LRRTM4: variants seen among roughly 807,000 people sequenced by gnomAD.
The protein encoded by LRRTM4 is leucine rich repeat transmembrane neuronal 4.
LRRTM4 carries 25 observed loss-of-function variants against 47.6 expected under a neutral mutation model. The ratio of observed to expected loss-of-function variants is 0.53; its 90% CI spans 0.38 to 0.73. The LOEUF (loss-of-function observed/expected upper bound fraction) is 0.73, where lower values mean the gene tolerates loss of function less well. LRRTM4 is among the 30% of genes least tolerant of loss of function. The pLI is 0.00. For missense variants in LRRTM4, 638 were observed against 713.4 expected (o/e 0.89, Z 1.20); for synonymous variants, 311 against 269.5 (o/e 1.15, Z -1.51).
intron 3 of LRRTM4, among the ~76,000 whole-genome samples, chr2:77,121,117 G>GT (rs1371125079): frequency 6.6e-6 from 1 of 151,750 alleles, no homozygotes; most frequent in Non-Finnish European, 1.5e-5. Flanking sequence ...AAAAGAATTA[G>GT]TTTTTTGGGG....
At chr2:77,435,258 T>C (rs1573410431) in intron 3 of LRRTM4, among the ~76,000 whole-genome samples, 1 of 152,172 alleles carries the variant, frequency 6.6e-6, no homozygotes, top group East Asian at 1.9e-4. Flanking sequence ...CTGAGTCCAG[T>C]TTTGAGATTT....
chr2:77,040,253 C>T (rs1446692), intron 3 of LRRTM4, among the ~76,000 whole-genome samples: 80,846 of 150,896 alleles, frequency 0.54, 24,217 homozygotes, highest in African/African-American at 0.81. Flanking sequence ...TTATGTTCTA[C>T]AACATATATA....
At chr2:77,362,129 G>GAAAGAAAGAAAGAA (rs1558707255) in intron 3 of LRRTM4, among the ~76,000 whole-genome samples, 1 of 127,582 alleles carries the variant, frequency 7.8e-6, no homozygotes, top group African/African-American at 2.7e-5. Context: ...AAGAAAGAAA[G>GAAAGAAAGAAAGAA]AAAGAAAGAA....
intron 3 of LRRTM4, among the ~76,000 whole-genome samples, chr2:76,981,830 G>A (rs763119008): frequency 1.3e-5 from 2 of 151,850 alleles, no homozygotes; most frequent in Non-Finnish European, 2.9e-5. Flanking sequence ...AATAGTCTAG[G>A]CTTCTATGTA....
chr2:76,974,757 G>C (rs1387332207), intron 3 of LRRTM4, among the ~76,000 whole-genome samples: 2 of 151,506 alleles, frequency 1.3e-5, no homozygotes, highest in Non-Finnish European at 3.0e-5. Flanking sequence ...AATTTTCCAA[G>C]AATATTTCTG....
At chr2:76,810,416 A>C (rs564161046) in intron 3 of LRRTM4, among the ~76,000 whole-genome samples, 4 of 152,170 alleles carry the variant, frequency 2.6e-5, no homozygotes, top group African/African-American at 4.8e-5. Context: ...GTTTTCTTAT[A>C]ATCTTATCAC....
intron 3 of LRRTM4, among the ~76,000 whole-genome samples, chr2:77,195,825 G>T (rs1673807210): frequency 6.6e-6 from 1 of 152,056 alleles, no homozygotes; most frequent in African/African-American, 2.4e-5. Context: ...AGAGGATAGG[G>T]GGTGCTATTA....
rs1336101809 is a variant in LRRTM4, at chr2:77,049,157, TAC to T, written c.1552-300243_1552-300242del. 4.3e-4 allele frequency among the ~76,000 whole-genome samples: 46 copies of T among 106,336 alleles called. 1 individual carries two copies. Among genetic ancestry groups the T allele is most frequent in the African/African-American group, 1.4e-3 (28 of 19,810 alleles). 69.8% of individuals were successfully genotyped at this position (106,336 alleles called of 152,430 possible). ...ATATATATATATATATATATATATA[TAC>T]ACACACACACACACCACATTTTCTT... On this transcript the variant is annotated intron_variant, in intron 3 of 3. Coordinates refer to ENST00000409884, the MANE Select transcript of LRRTM4 (RefSeq NM_001134745.3).
At chr2:77,336,934 T>C (rs533979186) in intron 3 of LRRTM4, among the ~76,000 whole-genome samples, 1 of 152,282 alleles carries the variant, frequency 6.6e-6, no homozygotes, top group South Asian at 2.1e-4. Context: ...ATTATGTGTC[T>C]CTTTTCAGAT....
chr2:77,329,597 CTT>C (rs1413109547), intron 3 of LRRTM4, among the ~76,000 whole-genome samples: 1 of 152,092 alleles, frequency 6.6e-6, no homozygotes, highest in African/African-American at 2.4e-5. Flanking sequence ...TGCACAGAGA[CTT>C]TAAGAAAGTA....
At chr2:77,303,904 G>A (rs1677204911) in intron 3 of LRRTM4, among the ~76,000 whole-genome samples, 1 of 152,088 alleles carries the variant, frequency 6.6e-6, no homozygotes, top group Non-Finnish European at 1.5e-5. Context: ...TGTGACTAGT[G>A]CTTCAGTGAA....
intron 3 of LRRTM4, among the ~76,000 whole-genome samples, chr2:77,180,208 C>T (rs185385470): frequency 5.3e-5 from 8 of 152,224 alleles, no homozygotes; most frequent in Non-Finnish European, 7.4e-5. Flanking sequence ...GGAATTACAA[C>T]TTTGACAGCA....
chr2:76,759,873 A>C (rs1673189229), intron 3 of LRRTM4, among the ~76,000 whole-genome samples: 2 of 152,166 alleles, frequency 1.3e-5, no homozygotes, highest in South Asian at 4.2e-4. Context: ...CACATATGTA[A>C]ACCATTTCCT....
intron 3 of LRRTM4, among the ~76,000 whole-genome samples, chr2:76,880,233 G>A (rs560446308): frequency 6.6e-6 from 1 of 152,264 alleles, no homozygotes; most frequent in South Asian, 2.1e-4. Context: ...GATCTTTAGT[G>A]AAAGGAAGAA....
intron 3 of LRRTM4, among the ~76,000 whole-genome samples, chr2:77,129,319 T>C (rs572590372): frequency 6.6e-6 from 1 of 152,160 alleles, no homozygotes; most frequent in African/African-American, 2.4e-5. Context: ...ATGTTAAATA[T>C]TACAATTCAA....
chr2:77,071,874 G>A (rs746237870), intron 3 of LRRTM4, among the ~76,000 whole-genome samples: 42 of 152,266 alleles, frequency 2.8e-4, no homozygotes, highest in Non-Finnish European at 3.2e-4. Flanking sequence ...GGACACTAGT[G>A]TCCAAGCTTC....
At chr2:77,130,203 T>G (rs1346831401) in intron 3 of LRRTM4, among the ~76,000 whole-genome samples, 1 of 152,160 alleles carries the variant, frequency 6.6e-6, no homozygotes, top group Non-Finnish European at 1.5e-5. Context: ...AGAAAAACAT[T>G]GAACTTCACA....
At chr2:77,307,450 G>A (rs1212129718) in intron 3 of LRRTM4, among the ~76,000 whole-genome samples, 7 of 148,604 alleles carry the variant, frequency 4.7e-5, no homozygotes. Flanking sequence ...GCTTGCTTCT[G>A]AAATTTAATA....
At chr2:77,083,385 G>T (rs1360328874) in intron 3 of LRRTM4, among the ~76,000 whole-genome samples, 1 of 151,982 alleles carries the variant, frequency 6.6e-6, no homozygotes, top group Admixed American at 6.6e-5. Flanking sequence ...TGCCAACATA[G>T]GCACCAAAAC....
Sources: gnomAD v4.1 joint callset for allele counts (sites outside exome capture counted in the v4.1 genomes callset) on GRCh38, gnomAD v4.1.1 for gene constraint, MANE v1.5 for transcripts, NCBI Gene and HGNC (gene_info 2026-07-23, HGNC 2026-07-21) for gene names.